The following RABGAP1L variants were observed in gnomAD, a reference collection of about 807,000 sequenced individuals.
The protein encoded by RABGAP1L is RAB GTPase activating protein 1 like, also known as rab GTPase-activating protein 1-like.
In RABGAP1L, 63 loss-of-function variants were observed where a neutral mutation model predicts 137.7. That is an observed-to-expected ratio of 0.46 (90% CI 0.37 to 0.56). The LOEUF is 0.56. Ranked by LOEUF, RABGAP1L falls within the 20% of genes least tolerant of loss-of-function variation. RABGAP1L has a pLI of 0.00. For synonymous variants in RABGAP1L, 431 were observed against 433.7 expected, an observed-to-expected ratio of 0.99 and a Z score of 0.08; for missense variants, 1,095 against 1,244.0, an observed-to-expected ratio of 0.88 and a Z score of 1.80.
intron 14 of RABGAP1L, among the ~76,000 whole-genome samples, chr1:174,651,556 T>C (rs1027568782): frequency 4.6e-5 from 7 of 152,190 alleles, no homozygotes; most frequent in African/African-American, 9.6e-5. Flanking sequence ...TAGTTAGCTC[T>C]TCCTGTTGAA....
intron 11 of RABGAP1L, among the ~76,000 whole-genome samples, chr1:174,332,776 A>G (rs1358201131): frequency 6.6e-6 from 1 of 152,108 alleles, no homozygotes; most frequent in Non-Finnish European, 1.5e-5. Flanking sequence ...GAGGTTCCCC[A>G]GAAAATTATA....
chr1:174,354,902 A>G (rs1047878297), intron 11 of RABGAP1L, among the ~76,000 whole-genome samples: 1 of 152,230 alleles, frequency 6.6e-6, no homozygotes, highest in African/African-American at 2.4e-5. Flanking sequence ...TCCCAGCACC[A>G]TTTATTAAAT....
chr1:174,354,152 A>G (rs1176391215), intron 11 of RABGAP1L, among the ~76,000 whole-genome samples: 1 of 152,008 alleles, frequency 6.6e-6, no homozygotes, highest in Non-Finnish European at 1.5e-5. Context: ...CTAACATCTA[A>G]CAGATGTTAA....
At chr1:174,321,784 A>G (rs147597629) in intron 11 of RABGAP1L, among the ~76,000 whole-genome samples, 10 of 152,276 alleles carry the variant, frequency 6.6e-5, no homozygotes, top group African/African-American at 1.2e-4. Flanking sequence ...AAAAAAATTT[A>G]GCTATTCTAG....
intron 12 of RABGAP1L, among the ~76,000 whole-genome samples, chr1:174,385,657 C>G (rs1426158334): frequency 6.6e-6 from 1 of 152,100 alleles, no homozygotes; most frequent in African/African-American, 2.4e-5. Flanking sequence ...CAAAGGAGCC[C>G]AAGAAAGTAC....
At chr1:174,199,024 C>T (rs1667911169) in intron 1 of RABGAP1L, among the ~76,000 whole-genome samples, 1 of 152,168 alleles carries the variant, frequency 6.6e-6, no homozygotes, top group South Asian at 2.1e-4. Flanking sequence ...AGTAGAGTCG[C>T]TTGAACCTGG....
chr1:174,532,301 C>T (rs11579693), intron 13 of RABGAP1L, among the ~76,000 whole-genome samples: 4,952 of 151,824 alleles, frequency 0.033, 133 homozygotes, highest in Non-Finnish European at 0.051. Flanking sequence ...CTTTGCCTCC[C>T]GGGTTCGAGC....
chr1:174,729,812 A>G (rs1390735386), intron 17 of RABGAP1L, among the ~76,000 whole-genome samples: 2 of 152,162 alleles, frequency 1.3e-5, no homozygotes, highest in Non-Finnish European at 2.9e-5. Context: ...AAAAGTAAAA[A>G]TAAATAACAG....
chr1:174,804,877 G>A (rs1339677244), intron 18 of RABGAP1L, among the ~76,000 whole-genome samples: 4 of 152,054 alleles, frequency 2.6e-5, no homozygotes, highest in Non-Finnish European at 4.4e-5. Context: ...TAAACATTAA[G>A]TTTAAGGAAG....
chr1:174,394,070 A>C lies in RABGAP1L; in HGVS notation c.1635A>C (p.Ala545=), dbSNP rs1484632453. Residue 545 remains alanine, a synonymous_variant, in exon 13 of 26, where the codon GCA becomes GCC. Coordinates refer to ENST00000681986, the MANE Select transcript of RABGAP1L (RefSeq NM_001366446.1). ...GTGGTGTCCCTGAAGCATTGAGGGC[A>C]GAGGTATGGCAGTTATTGGCAGGCT... ...VKSGVPEALR[A]EVWQLLAGCH... The C allele has an allele frequency of 1.2e-6, 2 of 1,613,796 alleles. No individual in the cohort carries two copies. Among genetic ancestry groups the C allele is most frequent in the African/African-American group, 2.7e-5 (2 of 74,922 alleles).
intron 13 of RABGAP1L, among the ~76,000 whole-genome samples, chr1:174,456,963 C>G (rs1166759768): frequency 6.6e-6 from 1 of 152,056 alleles, no homozygotes; most frequent in African/African-American, 2.4e-5. Context: ...TATTTATTGA[C>G]TATGCTATGT....
intron 11 of RABGAP1L, among the ~76,000 whole-genome samples, chr1:174,327,990 T>TATATATATATATATATACACAC (rs1680649811): frequency 8.2e-5 from 3 of 36,370 alleles, no homozygotes; most frequent in Non-Finnish European, 1.8e-4. Flanking sequence ...CACACACATA[T>TATATATATATATATATACACAC]ATATATATAT....
chr1:174,408,386 G>A (rs1649522458), intron 13 of RABGAP1L, among the ~76,000 whole-genome samples: 1 of 152,064 alleles, frequency 6.6e-6, no homozygotes, highest in African/African-American at 2.4e-5. Context: ...TTGCTGCATA[G>A]GACATGATTT....
At chr1:174,485,380 A>C (rs2149340227) in intron 13 of RABGAP1L, among the ~76,000 whole-genome samples, 2 of 152,302 alleles carry the variant, frequency 1.3e-5, no homozygotes, top group South Asian at 4.1e-4. Flanking sequence ...ACTATGTTGA[A>C]TAACAGTGGT....
chr1:174,797,597 G>A (rs1336282390), intron 18 of RABGAP1L, among the ~76,000 whole-genome samples: 5 of 130,398 alleles, frequency 3.8e-5, no homozygotes, highest in Non-Finnish European at 8.2e-5. Context: ...ATGTGGTGGT[G>A]TGTGGGCGTG....
chr1:174,949,556 G>C (rs191506112), intron 19 of RABGAP1L, among the ~76,000 whole-genome samples: 40 of 152,248 alleles, frequency 2.6e-4, no homozygotes, highest in African/African-American at 8.9e-4. Context: ...GAACAAATTG[G>C]GGGTAGAAGG....
At chr1:174,963,459 A>G (rs1669344594) in intron 20 of RABGAP1L, among the ~76,000 whole-genome samples, 2 of 152,176 alleles carry the variant, frequency 1.3e-5, no homozygotes, top group African/African-American at 2.4e-5. Context: ...GGGGAAGAAT[A>G]TGCTTTAGGA....
intron 13 of RABGAP1L, among the ~76,000 whole-genome samples, chr1:174,551,613 T>G (rs887450861): frequency 2.6e-5 from 4 of 152,052 alleles, no homozygotes; most frequent in African/African-American, 9.7e-5. Flanking sequence ...AACTACTAAG[T>G]TTCTATGTAA....
chr1:174,268,346 C>T (rs1416684793), intron 7 of RABGAP1L, among the ~76,000 whole-genome samples: 2 of 151,852 alleles, frequency 1.3e-5, no homozygotes, highest in Non-Finnish European at 2.9e-5. Context: ...ATTACAGGTG[C>T]CCGCCACTAC....
Sources: allele counts gnomAD v4.1 joint callset (sites outside exome capture counted in the v4.1 genomes callset), GRCh38; gene constraint gnomAD v4.1.1; transcripts MANE v1.5; gene names NCBI Gene and HGNC (gene_info 2026-07-23, HGNC 2026-07-21).